The following NF2 variants were observed in gnomAD, a reference collection of about 807,000 sequenced individuals.
NF2 encodes the protein NF2, moesin-ezrin-radixin like (MERLIN) tumor suppressor, also known as merlin.
A neutral mutation model predicts 83.7 loss-of-function variants in NF2; 8 were observed. That is an observed-to-expected ratio of 0.10 (90% confidence interval 0.06 to 0.17). The LOEUF is 0.17. Among genes scored for constraint, NF2 ranks in the 10% least tolerant of loss-of-function variants. The probability of loss-of-function intolerance (pLI) is 1.00; values close to 1 mark genes in which losing one functional copy is unlikely to be tolerated. For missense variants in NF2, 533 were observed against 744.4 expected (o/e 0.72, Z 3.31); for synonymous variants, 266 against 269.6 (o/e 0.99, Z 0.13).
In NF2 at chr22:29,682,859, C is replaced by T. The variant is rs1383155216; in HGVS notation, c.1737+1258C>T. 9.0e-6 allele frequency: 7 copies of T among 778,470 alleles called. No individual in the cohort carries two copies. The African/African-American group carries it at 1.2e-4, about 13-fold the overall frequency. The allele number at this position is 778,470 out of a possible 1,614,324, so 48.2% of individuals were successfully genotyped here. A position where few individuals can be genotyped will look rare whatever the true frequency, so the allele number is the denominator to read the frequency against. On this transcript the variant is annotated intron_variant, in intron 15 of 15. Coordinates refer to ENST00000338641, the MANE Select transcript of NF2 (RefSeq NM_000268.4). ...CAGTGCCCTCAGCCACAGAAACCTG[C>T]AGTGTGAGAGCTGGAGAGACCCCGT...
intron 1 of NF2, among the ~76,000 whole-genome samples, chr22:29,622,646 ATTTTTTTTTT>A (rs35744962): frequency 0.021 from 1,310 of 63,336 alleles, 18 homozygotes; most frequent in African/African-American, 0.061. Flanking sequence ...AAGACCCTGT[ATTTTTTTTTT>A]TTTTTTTTTT....
chr22:29,671,765 T>C (rs2147069708), intron 10 of NF2, 61 bp from the exon 11 acceptor site: 1 of 1,610,972 alleles, frequency 6.2e-7, no homozygotes, highest in South Asian at 1.1e-5. Flanking sequence ...CTTTGGGCCC[T>C]TGTGGCACCC....
chr22:29,617,317 A>T (rs191521990), intron 1 of NF2, among the ~76,000 whole-genome samples: 182 of 152,260 alleles, frequency 1.2e-3, no homozygotes, highest in Non-Finnish European at 1.9e-3. Context: ...AGACCCAAAG[A>T]TGTTGGACAG....
chr22:29,631,780 T>C (rs191519129), intron 1 of NF2, among the ~76,000 whole-genome samples: 3 of 152,342 alleles, frequency 2.0e-5, no homozygotes, highest in Admixed American at 2.0e-4. Flanking sequence ...AATGAATCAA[T>C]GCACTTAATC....
At chr22:29,689,537 G>A (rs1200070189) in intron 15 of NF2, among the ~76,000 whole-genome samples, 2 of 152,068 alleles carry the variant, frequency 1.3e-5, no homozygotes, top group Non-Finnish European at 1.5e-5. Flanking sequence ...GAGACCCAGC[G>A]CCTGGAGTTA....
Position 29,622,002 on chromosome 22 carries a change from C to T in NF2, c.115-14749C>T, listed in dbSNP as rs1203040681. 2.6e-5 allele frequency among the ~76,000 whole-genome samples: 4 copies of T among 152,164 alleles called. No homozygotes were observed. In the South Asian group the frequency reaches 6.2e-4, roughly 24 times the overall value. On this transcript the variant is annotated intron_variant, in intron 1 of 15. Transcript: ENST00000338641. ...AAGCCAGGTCATCTGTCTTTCAGGC[C>T]AGCCCTCTTTCCACTACCCTATGCT...
intron 1 of NF2, among the ~76,000 whole-genome samples, chr22:29,605,241 C>T (rs1368012582): frequency 1.3e-5 from 2 of 150,862 alleles, no homozygotes; most frequent in Non-Finnish European, 2.9e-5. Flanking sequence ...TCTTGTCTCA[C>T]TGCCACCTCC....
intron 4 of NF2, among the ~76,000 whole-genome samples, chr22:29,653,989 GT>G (rs966282601): frequency 1.8e-3 from 242 of 133,854 alleles, no homozygotes; most frequent in African/African-American, 5.7e-3. Context: ...TAGGAAAGGA[GT>G]TTTTTTTTTT....
At chr22:29,628,869 G>A (rs1400233623) in intron 1 of NF2, among the ~76,000 whole-genome samples, 1 of 152,124 alleles carries the variant, frequency 6.6e-6, no homozygotes, top group African/African-American at 2.4e-5. Flanking sequence ...GACCTCAGGT[G>A]ATCCACCTGT....
rs2146871956 is a variant in NF2 at position 29,639,170 on chromosome 22, G to A, written c.321G>A (p.Glu107=). ...AATTTTATCCTGAGAATGCTGAAGA[G>A]GAGCTGGTTCAGGAGATCACACAAC... ...LAKFYPENAE[E]ELVQEITQHL... is the part of the protein sequence containing the mutation. Residue 107 remains glutamate (E), a synonymous_variant, in exon 3 of 16, where the codon GAG becomes GAA. Transcript: ENST00000338641. 6.2e-7 allele frequency: 1 copy of A among 1,614,176 alleles called. No individual in the cohort carries two copies. Among genetic ancestry groups the A allele is most frequent in the Non-Finnish European group, 8.5e-7 (1 of 1,180,018 alleles).
chr22:29,638,076 G>A (rs2065696237), intron 2 of NF2, among the ~76,000 whole-genome samples: 1 of 152,216 alleles, frequency 6.6e-6, no homozygotes, highest in African/African-American at 2.4e-5. Flanking sequence ...AATACATCAT[G>A]ACACATGTTA....
rs796715297 is a variant in NF2, at chr22:29,632,836, C to T, written c.115-3915C>T. ...CCTTGTGCTGAGGCACCTACAGTCT[C>T]GGGAGATGTTCAGAGGACAGTGAGT... On this transcript the variant is annotated intron_variant, in intron 1 of 15. Transcript: ENST00000338641. Among the ~76,000 whole-genome samples the T allele has an allele frequency of 6.6e-5, 10 of 152,234 alleles. No individual in the cohort carries two copies. The East Asian group carries it at 1.2e-3, about 18-fold the overall frequency.
chr22:29,612,507 T>G (rs2064978840), intron 1 of NF2, among the ~76,000 whole-genome samples: 1 of 151,636 alleles, frequency 6.6e-6, no homozygotes, highest in Admixed American at 6.6e-5. Context: ...TGTTTGTTTG[T>G]TTTTTAATTT....
At chr22:29,649,300 G>A (rs578201192) in intron 4 of NF2, among the ~76,000 whole-genome samples, 155 of 152,326 alleles carry the variant, frequency 1.0e-3, no homozygotes, top group African/African-American at 3.7e-3. Context: ...ACTGATACTG[G>A]CCAGGCACGG....
chr22:29,654,200 G>A (rs1294130578), intron 4 of NF2, among the ~76,000 whole-genome samples: 2 of 152,150 alleles, frequency 1.3e-5, no homozygotes, highest in Admixed American at 6.5e-5. Context: ...TGGGTGAAAG[G>A]TATTAAAACT....
chr22:29,624,415 C>T (rs145784353), intron 1 of NF2, among the ~76,000 whole-genome samples: 136 of 152,258 alleles, frequency 8.9e-4, no homozygotes, highest in African/African-American at 3.2e-3. Context: ...GCCATGTTGG[C>T]TAGGCTGGCC....
chr22:29,663,368 GCCATCATGTT>G (rs1161273719), intron 8 of NF2, among the ~76,000 whole-genome samples: 1 of 152,146 alleles, frequency 6.6e-6, no homozygotes, highest in Admixed American at 6.5e-5. Context: ...GGGGACAGGC[GCCATCATGTT>G]CCATCATGTC....
At chr22:29,650,894 C>T (rs2066130305) in intron 4 of NF2, among the ~76,000 whole-genome samples, 1 of 152,246 alleles carries the variant, frequency 6.6e-6, no homozygotes, top group South Asian at 2.1e-4. Context: ...TGAGCCACTG[C>T]ACCCAACCTG....
At chr22:29,632,735 C>G (rs2065548193) in intron 1 of NF2, among the ~76,000 whole-genome samples, 1 of 152,176 alleles carries the variant, frequency 6.6e-6, no homozygotes, top group South Asian at 2.1e-4. Flanking sequence ...GTCCTGTGGA[C>G]AGCCATTGTT....
Sources: gnomAD v4.1 joint callset for allele counts (sites outside exome capture counted in the v4.1 genomes callset) on GRCh38, gnomAD v4.1.1 for gene constraint, MANE v1.5 for transcripts, NCBI Gene and HGNC (gene_info 2026-07-23, HGNC 2026-07-21) for gene names.